Variants in TRIM52 observed in about 807,000 individuals in gnomAD.
TRIM52 encodes E3 ubiquitin-protein ligase TRIM52.
TRIM52 carries 24 observed loss-of-function variants against 27.0 expected under a neutral mutation model. That is an observed-to-expected ratio of 0.89 (90% CI 0.64 to 1.25). TRIM52 has a LOEUF of 1.25. Ranked by LOEUF, TRIM52 falls within the 50% of genes most tolerant of loss-of-function variation. TRIM52 has a pLI of 0.00. For missense variants in TRIM52, 351 were observed against 354.7 expected, an observed-to-expected ratio of 0.99 and a Z score of 0.08; for synonymous variants, 125 against 126.5, an observed-to-expected ratio of 0.99 and a Z score of 0.08.
Position 181,257,579 on chromosome 5 carries a change from CA to C in TRIM52, c.814-721del. On this transcript the variant is annotated intron_variant, in intron 1 of 1. Transcript: ENST00000688015. The stretch of plus-strand genomic sequence containing the variant: ...ATACTGTATTAAATAAACCATTATA[CA>C]AAAATAGTTCCTTGTACTGTTAACT... The C allele has an allele frequency of 3.6e-6, 4 of 1,099,634 alleles. No individual in the cohort carries two copies. The South Asian group carries it at 5.1e-5, about 14-fold the overall frequency. The allele number at this position is 1,099,634 out of a possible 1,614,324, so 68.1% of individuals were successfully genotyped here. A position where few individuals can be genotyped will look rare whatever the true frequency, so the allele number is the denominator to read the frequency against.
chr5:181,258,442 GTA>G (rs1759880641), intron 1 of TRIM52: 1 of 152,178 alleles, frequency 6.6e-6, no homozygotes, highest in African/African-American at 2.4e-5. Context: ...CTCAGCTTCA[GTA>G]TACTAAAACC....
chr5:181,257,095 A>G (rs1759814151), intron 1 of TRIM52: 2 of 1,031,512 alleles, frequency 1.9e-6, no homozygotes, highest in Non-Finnish European at 2.3e-6. Context: ...TTTTCTTTTT[A>G]TACACCCGTC....
At position 181,257,310 on chromosome 5, in the gene TRIM52, C is replaced by T. The variant is rs141059179; in HGVS notation, c.814-451G>A. 598 of 1,363,416 alleles carry T rather than the reference C, an allele frequency of 4.4e-4. 11 individuals are homozygous for T. The East Asian group carries it at 0.011, about 25-fold the overall frequency. 84.5% of individuals were successfully genotyped at this position (1,363,416 alleles called of 1,614,324 possible). A position where few individuals can be genotyped will look rare whatever the true frequency, so the allele number is the denominator to read the frequency against. On this transcript the variant is annotated intron_variant, in intron 1 of 1. Transcript: ENST00000688015. ...AATCAAATTTTAAAAGAACATTGACCTCAAAACAATAAAACTGTCCTGGTT... is the reference window on the plus strand; with the variant it reads ...AATCAAATTTTAAAAGAACATTGACTTCAAAACAATAAAACTGTCCTGGTT...
Position 181,261,093 on chromosome 5 carries a change from A to C in TRIM52, c.-280T>G. 2.6e-6 allele frequency: 1 copy of C among 387,430 alleles called. No homozygotes were observed. The allele number at this position is 387,430 out of a possible 1,614,324, so 24.0% of individuals were successfully genotyped here. ...TCGCTACCCTCAGGGTGTGCCCTAC[A>C]CTGCGGCGTCCGCCTCAGATGCAGC... is the stretch of plus-strand genomic sequence containing the variant. On this transcript the variant is annotated 5_prime_UTR_variant, in exon 1 of 2. Transcript: ENST00000688015.
chr5:181,259,373 A>T (rs74320400), intron 1 of TRIM52: 13,680 of 155,320 alleles, frequency 0.088, 871 homozygotes, highest in East Asian at 0.27. Context: ...AATACCAGGA[A>T]AGAAAAGTGA....
chr5:181,250,696 G>A (rs1759618187), downstream of TRIM52, among the ~76,000 whole-genome samples: 1 of 152,176 alleles, frequency 6.6e-6, no homozygotes, highest in African/African-American at 2.4e-5. Flanking sequence ...AAACCAGAGT[G>A]CGAAAAAGGT....
chr5:181,259,655 G>C (rs1561689990), intron 1 of TRIM52: 1 of 369,836 alleles, frequency 2.7e-6, no homozygotes, highest in Non-Finnish European at 5.1e-6. Context: ...CCAGGGAATT[G>C]GTCAAGGACT....
chr5:181,251,799 CCT>C (rs1759640153), downstream of TRIM52, among the ~76,000 whole-genome samples: 2 of 152,152 alleles, frequency 1.3e-5, no homozygotes, highest in African/African-American at 2.4e-5. Flanking sequence ...CTAGATCTGT[CCT>C]CTCATTAACT....
At chr5:181,252,894 T>C (rs1759669187), downstream of TRIM52, among the ~76,000 whole-genome samples, 1 of 152,218 alleles carries the variant, frequency 6.6e-6, no homozygotes, top group Non-Finnish European at 1.5e-5. Context: ...AAACTGTTTA[T>C]CTGTCACGGT....
Position 181,260,814 on chromosome 5 carries a change from C to T in TRIM52, c.-1G>A, listed in dbSNP as rs1420463659. The T allele has an allele frequency of 1.9e-6, 3 of 1,577,912 alleles. No individual in the cohort carries two copies. The South Asian group carries it at 3.5e-5, about 18-fold the overall frequency. ...TGGGAGTAGTGGCATAACCAGCCATCTTAATGCCCGCCGGCAGGTGTAGAT... is the reference window on the plus strand; with the variant it reads ...TGGGAGTAGTGGCATAACCAGCCATTTTAATGCCCGCCGGCAGGTGTAGAT... On this transcript the variant is annotated 5_prime_UTR_variant, in exon 1 of 2. Coordinates refer to ENST00000688015, the MANE Select transcript of TRIM52 (RefSeq NM_001346048.2). This position sits in a 1 kb window ranked among gnomAD's most constrained non-coding sequence, Gnocchi z 4.4.
chr5:181,256,964 A>T (rs1759806832), intron 1 of TRIM52, 105 bp from the exon 2 acceptor site: 1 of 986,492 alleles, frequency 1.0e-6, no homozygotes, highest in African/African-American at 1.7e-5. Context: ...AGGAGTACTG[A>T]TGATGGAAGC....
intron 1 of TRIM52, chr5:181,257,529 T>A: frequency 1.3e-6 from 2 of 1,552,884 alleles, no homozygotes; most frequent in Non-Finnish European, 1.8e-6. Context: ...TTTAACATTG[T>A]AACAAAGTAT....
downstream of TRIM52, among the ~76,000 whole-genome samples, chr5:181,249,151 A>G (rs1310366822): frequency 6.6e-6 from 1 of 152,202 alleles, no homozygotes; most frequent in African/African-American, 2.4e-5. Flanking sequence ...AAAACTAGAG[A>G]CAAGAAGAGT....
chr5:181,259,915 G>A (rs984709203), intron 1 of TRIM52, 86 bp downstream of exon 1: 1 of 1,601,670 alleles, frequency 6.2e-7, no homozygotes, highest in Admixed American at 1.7e-5. Context: ...ACCTGAGGAG[G>A]TGGGAAAGGA....
At chr5:181,257,043 A>ATCT in intron 1 of TRIM52, 184 bp from the exon 2 acceptor site, 1 of 994,294 alleles carries the variant, frequency 1.0e-6, no homozygotes, top group African/African-American at 1.7e-5. Context: ...CAATCCAGGC[A>ATCT]TCCAGTTATG....
chr5:181,260,260 TG>T lies in TRIM52; in HGVS notation c.553del (p.Gln185SerfsTer23), dbSNP rs781219048. 2 of 1,614,194 alleles carry T rather than the reference TG, an allele frequency of 1.2e-6. No homozygotes were observed. The highest frequency in any genetic ancestry group is 1.7e-6 in the Non-Finnish European group (2 of 1,180,030). ...LPLPGQFTCPQCRKSFTRRSF... is the reference protein window; with the variant it reads ...LPLPGQFTCPXCRKSFTRRSF... ...GCGACGTGTAAAGCTCTTTCGGCAC[TG>T]GGGGCAGGTGAACTGCCCTGGAAGG... On this transcript the variant is annotated frameshift_variant, in exon 1 of 2. Coordinates refer to ENST00000688015, the MANE Select transcript of TRIM52 (RefSeq NM_001346048.2). LOFTEE classifies it high-confidence loss of function. The surrounding 1 kb of genome is among the most constrained non-coding windows in gnomAD (Gnocchi z 4.4).
At position 181,260,493 on chromosome 5, in the gene TRIM52, A is replaced by G. The variant is rs553889126; in HGVS notation, c.321T>C (p.Gly107=). The change falls in exon 1 of 2, where the codon GGT becomes GGC. Residue 107 remains glycine (G), a synonymous_variant. Transcript: ENST00000688015. This position sits in a 1 kb window ranked among gnomAD's most constrained non-coding sequence, Gnocchi z 4.4. ...QDQDDDELWL[G]DSGITNWDNV... ...TGTCCCAATTAGTTATACCACTGTC[A>G]CCGAGCCAGAGTTCATCGTCATCTT... The G allele has an allele frequency of 6.2e-7, 1 of 1,613,478 alleles. No individual in the cohort carries two copies. Among genetic ancestry groups the G allele is most frequent in the Non-Finnish European group, 8.5e-7 (1 of 1,179,902 alleles).
downstream of TRIM52, among the ~76,000 whole-genome samples, chr5:181,249,862 ACT>A (rs1444333812): frequency 1.6e-5 from 2 of 128,252 alleles, no homozygotes; most frequent in South Asian, 2.4e-4. Context: ...ACAGCGTCTC[ACT>A]CTGTCACCCA....
Position 181,260,545 on chromosome 5 carries a change from T to C in TRIM52, c.269A>G (p.Asn90Ser). Residue 90 changes from asparagine to serine, a missense_variant, in exon 1 of 2, where the codon AAT becomes AGT. By Grantham distance (46) the Asn-to-Ser change is conservative (BLOSUM62 1). Transcript: ENST00000688015. This position sits in a 1 kb window ranked among gnomAD's most constrained non-coding sequence, Gnocchi z 4.4. ...GTCTTGGAACAACTCTTCGTCAGCA[T>C]TCCCCCGATACAACACCTCTCGAAT... The part of the protein sequence containing the change: ...GSIREVLYRG[N>S]ADEELFQDQD... 6.2e-7 allele frequency: 1 copy of C among 1,613,964 alleles called. No homozygotes were observed.
Sources: gnomAD v4.1 joint callset for allele counts (sites outside exome capture counted in the v4.1 genomes callset) on GRCh38, gnomAD v4.1.1 for gene constraint, Gnocchi (gnomAD v3.1) non-coding constraint, MANE v1.5 for transcripts, NCBI Gene and HGNC (gene_info 2026-07-23, HGNC 2026-07-21) for gene names.